SLC9A9: variants seen among roughly 807,000 people sequenced by gnomAD.
SLC9A9 encodes sodium/hydrogen exchanger 9.
SLC9A9 carries 62 observed loss-of-function variants against 77.8 expected under a neutral mutation model. The observed-to-expected ratio is 0.80, with a 90% CI of 0.65 to 0.98. SLC9A9 has a LOEUF of 0.98. Among genes scored for constraint, SLC9A9 ranks in the 50% least tolerant of loss-of-function variants. The pLI is 0.00. For missense variants in SLC9A9, 775 were observed against 774.9 expected, an observed-to-expected ratio of 1.00 and a Z score of 0.00; for synonymous variants, 320 against 283.5, an observed-to-expected ratio of 1.13 and a Z score of -1.29.
intron 4 of SLC9A9, among the ~76,000 whole-genome samples, chr3:143,722,472 CAAAAAAAA>C (rs60995925): frequency 3.4e-5 from 2 of 58,344 alleles, no homozygotes; most frequent in African/African-American, 7.2e-5. Context: ...GACTCCATCT[CAAAAAAAA>C]AAAAAAAAAA....
chr3:143,489,993 A>G (rs1360246749), intron 11 of SLC9A9, among the ~76,000 whole-genome samples: 1 of 152,170 alleles, frequency 6.6e-6, no homozygotes, highest in African/African-American at 2.4e-5. Flanking sequence ...CATTGGGATG[A>G]CTACCATAAG....
intron 4 of SLC9A9, among the ~76,000 whole-genome samples, chr3:143,772,642 C>T (rs1400550603): frequency 6.6e-6 from 1 of 152,176 alleles, no homozygotes. Flanking sequence ...ATAAATACCG[C>T]AGATGCCTTT....
chr3:143,579,607 AT>A (rs994339241), intron 6 of SLC9A9, among the ~76,000 whole-genome samples: 7 of 151,720 alleles, frequency 4.6e-5, no homozygotes, highest in Admixed American at 2.6e-4. Context: ...GACATTTCAG[AT>A]TTTTTTTTGC....
Position 143,526,398 on chromosome 3 carries a change from A to G in SLC9A9, c.1089+25964T>C, listed in dbSNP as rs144034557. ...CTGCTCTGTGGGCATTTGGTAACAC[A>G]AGAAAAGAGGTGGTAATAGCCCAGC... On this transcript the variant is annotated intron_variant, in intron 9 of 15. Coordinates refer to ENST00000316549, the MANE Select transcript of SLC9A9 (RefSeq NM_173653.4). Among the ~76,000 whole-genome samples the G allele has an allele frequency of 1.5e-3, 231 of 152,340 alleles. 3 individuals carry two copies. Among genetic ancestry groups the G allele is most frequent in the African/African-American group, 5.3e-3 (221 of 41,580 alleles).
At chr3:143,415,691 T>G (rs1359839264) in intron 12 of SLC9A9, among the ~76,000 whole-genome samples, 2 of 152,194 alleles carry the variant, frequency 1.3e-5, no homozygotes, top group African/African-American at 2.4e-5. Context: ...GAGATTGATG[T>G]TTTTGTGGCT....
At chr3:143,603,438 T>C (rs1451486596) in intron 6 of SLC9A9, among the ~76,000 whole-genome samples, 1 of 94,774 alleles carries the variant, frequency 1.1e-5, no homozygotes, top group Non-Finnish European at 2.2e-5. Context: ...TGAGATTAGA[T>C]TGAATCCATT....
chr3:143,578,736 G>C lies in SLC9A9; in HGVS notation c.756-13C>G. ...AATGGATATAGAACTGAAAAGAGAA[G>C]AGGGTGGAGGTTAGTTAGTGACTTT... On this transcript the variant is annotated splice_polypyrimidine_tract_variant and intron_variant, in intron 6 of 15. Transcript: ENST00000316549. 1 of 1,613,918 alleles carries C rather than the reference G, an allele frequency of 6.2e-7. No homozygotes were observed. The highest frequency in any genetic ancestry group is 8.5e-7 in the Non-Finnish European group (1 of 1,179,824).
intron 4 of SLC9A9, among the ~76,000 whole-genome samples, chr3:143,760,874 G>T (rs965060375): frequency 4.6e-5 from 7 of 152,080 alleles, no homozygotes; most frequent in Non-Finnish European, 1.0e-4. Context: ...AAAGGAGCCC[G>T]CATTGCCAAG....
chr3:143,582,382 T>G (rs1359070106), intron 6 of SLC9A9, among the ~76,000 whole-genome samples: 1 of 152,214 alleles, frequency 6.6e-6, no homozygotes, highest in Non-Finnish European at 1.5e-5. Flanking sequence ...AGTCGTTCCT[T>G]GAGTACTTAT....
intron 2 of SLC9A9, among the ~76,000 whole-genome samples, chr3:143,801,864 C>G (rs2008571567): frequency 6.6e-6 from 1 of 152,168 alleles, no homozygotes; most frequent in South Asian, 2.1e-4. Flanking sequence ...CCTGCACCAC[C>G]ATGCTGTTAT....
intron 11 of SLC9A9, among the ~76,000 whole-genome samples, chr3:143,487,153 T>C (rs560655571): frequency 1.3e-5 from 2 of 152,016 alleles, no homozygotes; most frequent in East Asian, 3.9e-4. Context: ...AAAATAGATT[T>C]TAAGTTAAAA....
At chr3:143,538,067 A>G (rs1364851158) in intron 9 of SLC9A9, among the ~76,000 whole-genome samples, 1 of 152,192 alleles carries the variant, frequency 6.6e-6, no homozygotes, top group Non-Finnish European at 1.5e-5. Flanking sequence ...AACCTATAAT[A>G]AAGTGTTTTC....
At chr3:143,836,918 A>G (rs1419156208) in intron 1 of SLC9A9, among the ~76,000 whole-genome samples, 1 of 152,182 alleles carries the variant, frequency 6.6e-6, no homozygotes, top group African/African-American at 2.4e-5. Flanking sequence ...CTTAATTTCC[A>G]GTAAGAATAA....
At chr3:143,611,627 C>A (rs965045477) in intron 6 of SLC9A9, among the ~76,000 whole-genome samples, 4 of 152,054 alleles carry the variant, frequency 2.6e-5, no homozygotes, top group Non-Finnish European at 4.4e-5. Context: ...TTAATTACAG[C>A]CTGGGAGCCT....
At chr3:143,482,310 C>G (rs1454732513) in intron 11 of SLC9A9, among the ~76,000 whole-genome samples, 3 of 152,200 alleles carry the variant, frequency 2.0e-5, no homozygotes, top group African/African-American at 7.2e-5. Flanking sequence ...AATAGCACAG[C>G]TTGGCAACAG....
At chr3:143,315,058 C>G (rs1225174432) in intron 14 of SLC9A9, among the ~76,000 whole-genome samples, 3 of 152,144 alleles carry the variant, frequency 2.0e-5, no homozygotes, top group Non-Finnish European at 4.4e-5. Flanking sequence ...AACAAATAAC[C>G]CTAAGGTGTG....
intron 12 of SLC9A9, among the ~76,000 whole-genome samples, chr3:143,459,864 GA>G (rs931356473): frequency 8.2e-4 from 123 of 150,712 alleles, no homozygotes; most frequent in African/African-American, 3.0e-3. Flanking sequence ...AGGATTAAGA[GA>G]AAAAAAAATA....
At chr3:143,570,639 G>A (rs1278509269) in intron 8 of SLC9A9, among the ~76,000 whole-genome samples, 2 of 151,796 alleles carry the variant, frequency 1.3e-5, no homozygotes, top group Non-Finnish European at 2.9e-5. Flanking sequence ...TCAATGTTTT[G>A]GAAAACATTC....
chr3:143,619,689 T>A (rs1373882219), intron 6 of SLC9A9, among the ~76,000 whole-genome samples: 1 of 152,186 alleles, frequency 6.6e-6, no homozygotes, highest in African/African-American at 2.4e-5. Context: ...TCTCCACTCT[T>A]TTCCAGCTGA....
Sources: gnomAD v4.1 joint callset for allele counts (sites outside exome capture counted in the v4.1 genomes callset) on GRCh38, gnomAD v4.1.1 for gene constraint, MANE v1.5 for transcripts, NCBI Gene and HGNC (gene_info 2026-07-23, HGNC 2026-07-21) for gene names.